The following ANK3 variants were observed in gnomAD, a reference collection of about 807,000 sequenced individuals.
ANK3 encodes ankyrin-3.
A neutral mutation model predicts 370.9 loss-of-function variants in ANK3; 57 were observed. The observed-to-expected ratio is 0.15, with a 90% CI of 0.12 to 0.19. ANK3 has a LOEUF of 0.19. Among genes scored for constraint, ANK3 ranks in the 10% least tolerant of loss-of-function variants. The probability of loss-of-function intolerance (pLI) is 1.00; values close to 1 mark genes in which losing one functional copy is unlikely to be tolerated. For missense variants in ANK3, 4,439 were observed against 5,302.1 expected, an observed-to-expected ratio of 0.84 and a Z score of 5.06; for synonymous variants, 1,929 against 1,946.3, an observed-to-expected ratio of 0.99 and a Z score of 0.23.
intron 8 of ANK3, among the ~76,000 whole-genome samples, chr10:60,216,684 T>C (rs375060901): frequency 1.3e-4 from 20 of 152,316 alleles, no homozygotes; most frequent in African/African-American, 4.8e-4. Context: ...TTACTGAGGA[T>C]TTTCTCATCG....
chr10:60,269,381 C>T (rs565093925), intron 5 of ANK3, among the ~76,000 whole-genome samples: 7 of 152,096 alleles, frequency 4.6e-5, no homozygotes, highest in Admixed American at 2.6e-4. Context: ...CGTGGTGGCT[C>T]ACACTTGTAA....
intron 2 of ANK3, among the ~76,000 whole-genome samples, chr10:60,425,115 AC>A (rs2063855582): frequency 6.6e-6 from 1 of 152,006 alleles, no homozygotes; most frequent in South Asian, 2.1e-4. Context: ...GTAGAGAGTG[AC>A]AAAAAGGGAA....
chr10:60,285,270 T>C (rs1382887002), intron 1 of ANK3, among the ~76,000 whole-genome samples: 1 of 152,198 alleles, frequency 6.6e-6, no homozygotes, highest in Non-Finnish European at 1.5e-5. Context: ...AGCTAGGCAC[T>C]CAATTAAATA....
At chr10:60,553,427 T>G (rs1163967514) in intron 2 of ANK3, among the ~76,000 whole-genome samples, 1 of 152,180 alleles carries the variant, frequency 6.6e-6, no homozygotes, top group African/African-American at 2.4e-5. Flanking sequence ...CGTCTTCTAT[T>G]TTTCTGATAT....
intron 1 of ANK3, among the ~76,000 whole-genome samples, chr10:60,711,994 GA>G (rs1266267754): frequency 6.6e-6 from 1 of 152,160 alleles, no homozygotes; most frequent in Non-Finnish European, 1.5e-5. Context: ...CTTTAAAAAG[GA>G]AGAGAAATAA....
intron 1 of ANK3, among the ~76,000 whole-genome samples, chr10:60,631,216 G>A (rs2078479299): frequency 6.6e-6 from 1 of 152,086 alleles, no homozygotes; most frequent in South Asian, 2.1e-4. Flanking sequence ...CCAGTCCAAA[G>A]TCATAGATTT....
rs1255428967 is a variant in ANK3, at chr10:60,029,116, T to C, written c.*730A>G. 3 of 152,534 alleles carry C rather than the reference T, an allele frequency of 2.0e-5. No individual in the cohort carries two copies. Among genetic ancestry groups the C allele is most frequent in the South Asian group, 4.1e-4 (2 of 4,830 alleles). The allele number at this position is 152,534 out of a possible 1,614,324, so 9.4% of individuals were successfully genotyped here. A position where few individuals can be genotyped will look rare whatever the true frequency, so the allele number is the denominator to read the frequency against. The stretch of plus-strand genomic sequence containing the variant: ...TTAAATTTGCAGCAGATTTTAAAGA[T>C]TTGTTTTTTTTTAAAATCAAGCTAG... On this transcript the variant is annotated 3_prime_UTR_variant, in exon 44 of 44. Coordinates refer to ENST00000280772, the MANE Select transcript of ANK3 (RefSeq NM_020987.5).
intron 28 of ANK3, among the ~76,000 whole-genome samples, chr10:60,103,204 C>T (rs2091606070): frequency 6.6e-6 from 1 of 152,144 alleles, no homozygotes. Flanking sequence ...CTTGCCTCGG[C>T]CTCCCAAAGT....
intron 28 of ANK3, among the ~76,000 whole-genome samples, chr10:60,101,611 A>C (rs1298894478): frequency 6.6e-6 from 1 of 152,214 alleles, no homozygotes; most frequent in East Asian, 1.9e-4. Flanking sequence ...TTCTTGTTGC[A>C]TGATACCTTA....
intron 1 of ANK3, among the ~76,000 whole-genome samples, chr10:60,629,740 C>A (rs2078457287): frequency 1.3e-5 from 2 of 151,864 alleles, no homozygotes; most frequent in African/African-American, 4.8e-5. Flanking sequence ...TATTAAAAAT[C>A]TTTTATAAAA....
chr10:60,710,514 T>C (rs2079689550), intron 1 of ANK3, among the ~76,000 whole-genome samples: 2 of 152,172 alleles, frequency 1.3e-5, no homozygotes, highest in Admixed American at 1.3e-4. Context: ...TATGCATTCA[T>C]AAAATACCTT....
intron 1 of ANK3, among the ~76,000 whole-genome samples, chr10:60,376,010 C>T (rs570933025): frequency 2.0e-5 from 3 of 152,266 alleles, no homozygotes; most frequent in East Asian, 1.9e-4. Context: ...GCCTTCATAG[C>T]GTCTCTTCAT....
In ANK3 at chr10:60,255,220, C is replaced by T. The variant is rs529778118; in HGVS notation, c.798+6639G>A. Reference sequence around the variant, plus strand: ...ATGGACATTTACTGAGCACTTATTTCGTAGCAGGCAGAATTGTTGATGTTT... The same window carrying T: ...ATGGACATTTACTGAGCACTTATTTTGTAGCAGGCAGAATTGTTGATGTTT... On this transcript the variant is annotated intron_variant, in intron 7 of 43. Transcript: ENST00000280772. Among the ~76,000 whole-genome samples, 295 of 152,286 alleles carry T rather than the reference C, an allele frequency of 1.9e-3. 1 individual carries two copies. The highest frequency in any genetic ancestry group is 6.7e-3 in the African/African-American group (279 of 41,562).
chr10:60,239,448 C>G (rs2097388961), intron 7 of ANK3, among the ~76,000 whole-genome samples: 1 of 152,060 alleles, frequency 6.6e-6, no homozygotes, highest in South Asian at 2.1e-4. Flanking sequence ...GTGGCCTCCT[C>G]ATCAGAAATT....
chr10:60,471,137 T>C (rs1459571261), intron 2 of ANK3, among the ~76,000 whole-genome samples: 2 of 152,068 alleles, frequency 1.3e-5, no homozygotes, highest in Non-Finnish European at 2.9e-5. Context: ...TAATTTACAC[T>C]GACAAAAAAT....
chr10:60,549,187 T>A (rs1426570393), intron 2 of ANK3, among the ~76,000 whole-genome samples: 7 of 151,292 alleles, frequency 4.6e-5, no homozygotes, highest in African/African-American at 1.7e-4. Context: ...ACCATCATGT[T>A]GACCAGGGTG....
intron 1 of ANK3, among the ~76,000 whole-genome samples, chr10:60,317,719 T>C (rs1177896642): frequency 6.7e-6 from 1 of 149,048 alleles, no homozygotes; most frequent in Admixed American, 6.7e-5. Context: ...AATTTTTTTT[T>C]TTTTTTTTTT....
At chr10:60,330,943 AG>A (rs1239383949) in intron 1 of ANK3, among the ~76,000 whole-genome samples, 4 of 152,238 alleles carry the variant, frequency 2.6e-5, no homozygotes, top group African/African-American at 9.6e-5. Flanking sequence ...GCCATAAAAA[AG>A]AATGAATTCA....
intron 1 of ANK3, among the ~76,000 whole-genome samples, chr10:60,653,596 G>A (rs1383191919): frequency 2.6e-5 from 4 of 152,116 alleles, no homozygotes; most frequent in African/African-American, 4.8e-5. Context: ...TGGGCTGGGC[G>A]TCGTGGCTTA....
Sources: gnomAD v4.1 joint callset for allele counts (sites outside exome capture counted in the v4.1 genomes callset) on GRCh38, gnomAD v4.1.1 for gene constraint, MANE v1.5 for transcripts, NCBI Gene and HGNC (gene_info 2026-07-23, HGNC 2026-07-21) for gene names.